PCDHA5: variants seen among roughly 807,000 people sequenced by gnomAD.
PCDHA5 encodes protocadherin alpha 5, also known as protocadherin alpha-5.
In PCDHA5, 43 loss-of-function variants were observed where a neutral mutation model predicts 61.6. That is an observed-to-expected ratio of 0.70 (90% CI 0.55 to 0.90). The LOEUF is 0.90. PCDHA5 is among the 40% of genes least tolerant of loss of function. The pLI, the probability that PCDHA5 is intolerant of heterozygous loss-of-function variation, is 0.00. For missense variants in PCDHA5, 1,298 were observed against 1,222.7 expected, an observed-to-expected ratio of 1.06 and a Z score of -0.92; for synonymous variants, 627 against 543.9, an observed-to-expected ratio of 1.15 and a Z score of -2.13.
chr5:140,992,369 A>G (rs1554252849), intron 3 of PCDHA5, among the ~76,000 whole-genome samples: 1 of 152,188 alleles, frequency 6.6e-6, no homozygotes, highest in Non-Finnish European at 1.5e-5. Context: ...AATGGTTCCC[A>G]TTACATTATT....
chr5:140,961,336 G>C (rs2095605046), intron 1 of PCDHA5, among the ~76,000 whole-genome samples: 1 of 152,178 alleles, frequency 6.6e-6, no homozygotes, highest in African/African-American at 2.4e-5. Context: ...GAGAGACCAA[G>C]AGTGGATCCC....
intron 1 of PCDHA5, chr5:140,835,562 T>C (rs1470356959): frequency 6.8e-6 from 11 of 1,613,922 alleles, no homozygotes; most frequent in Non-Finnish European, 8.5e-6. Flanking sequence ...CGCCCCGCGT[T>C]CCCTTCAAGT....
chr5:140,916,188 G>A (rs1288181230), intron 1 of PCDHA5, among the ~76,000 whole-genome samples: 2 of 152,208 alleles, frequency 1.3e-5, no homozygotes, highest in East Asian at 3.9e-4. Context: ...TCAAGGAAGT[G>A]GGCACCCCTC....
At chr5:140,931,791 T>A (rs1168945699) in intron 1 of PCDHA5, among the ~76,000 whole-genome samples, 1 of 152,016 alleles carries the variant, frequency 6.6e-6, no homozygotes, top group African/African-American at 2.4e-5. Context: ...CCTATTGATC[T>A]GATCTTAATT....
chr5:140,850,116 G>A, intron 1 of PCDHA5: 1 of 1,596,102 alleles, frequency 6.3e-7, no homozygotes, highest in Non-Finnish European at 8.6e-7. Context: ...GCGCGACGCG[G>A]GCGTGCCGCC....
rs550730996 is a variant in PCDHA5, at chr5:140,982,280, G to T, written c.2412-195G>T. The T allele has an allele frequency of 2.1e-5, 21 of 1,007,278 alleles. No homozygotes were observed. The Admixed American group carries it at 5.3e-4, about 25-fold the overall frequency. 62.4% of individuals were successfully genotyped at this position (1,007,278 alleles called of 1,614,324 possible). A position where few individuals can be genotyped will look rare whatever the true frequency, so the allele number is the denominator to read the frequency against. ...GTGTGTTCCTGGAATAGTATAGCAGGCAATAAGTAAGTCAGCAATGCTTCT... is the reference window on the plus strand; with the variant it reads ...GTGTGTTCCTGGAATAGTATAGCAGTCAATAAGTAAGTCAGCAATGCTTCT... On this transcript the variant is annotated intron_variant, in intron 2 of 3. Transcript: ENST00000529859.
At chr5:140,898,450 C>G (rs1276825221) in intron 1 of PCDHA5, among the ~76,000 whole-genome samples, 4 of 152,148 alleles carry the variant, frequency 2.6e-5, no homozygotes, top group Non-Finnish European at 4.4e-5. Flanking sequence ...ATAGGGAATC[C>G]TTTCCCCATT....
At chr5:140,848,891 G>A in intron 1 of PCDHA5, 1 of 1,600,726 alleles carries the variant, frequency 6.2e-7, no homozygotes, top group South Asian at 1.1e-5. Flanking sequence ...ACCCTCCAGT[G>A]TTCCCAGCGA....
At chr5:140,836,074 C>G in intron 1 of PCDHA5, 2 of 1,613,694 alleles carry the variant, frequency 1.2e-6, no homozygotes, top group Non-Finnish European at 1.7e-6. Flanking sequence ...AACGCGCCGG[C>G]ACTGCTGGCG....
chr5:140,856,356 T>A lies in PCDHA5; in HGVS notation c.2352+32229T>A, dbSNP rs782497272. ...TGCGGGCGGAGCGTGGAGTGCAGCA[T>A]CCACCTGGAGGTGATCGTGGACAGG... On this transcript the variant is annotated intron_variant, in intron 1 of 3. Coordinates refer to ENST00000529859, the MANE Select transcript of PCDHA5 (RefSeq NM_018908.3). 3 of 1,598,530 alleles carry A rather than the reference T, an allele frequency of 1.9e-6. 1 individual carries two copies. Among genetic ancestry groups the A allele is most frequent in the South Asian group, 2.2e-5 (2 of 90,522 alleles).
In PCDHA5 at chr5:140,835,717, T is replaced by C. The variant is rs1773872619; in HGVS notation, c.2352+11590T>C. The C allele has an allele frequency of 1.9e-6, 3 of 1,613,628 alleles. No individual in the cohort carries two copies. Among genetic ancestry groups the C allele is most frequent in the African/African-American group, 2.7e-5 (2 of 74,884 alleles). On this transcript the variant is annotated intron_variant, in intron 1 of 3. Coordinates refer to ENST00000529859, the MANE Select transcript of PCDHA5 (RefSeq NM_018908.3). ...GCCACTGCTAGCGTGTCCGTGGAGG[T>C]GGCCGACGTGAACGACAACGCCCCG...
intron 1 of PCDHA5, chr5:140,968,932 A>C: frequency 6.2e-7 from 1 of 1,614,164 alleles, no homozygotes; most frequent in Non-Finnish European, 8.5e-7. Context: ...TTCTTTTGAC[A>C]ATCATCATTT....
intron 1 of PCDHA5, among the ~76,000 whole-genome samples, chr5:140,973,232 G>A (rs1307717074): frequency 6.6e-6 from 1 of 152,196 alleles, no homozygotes; most frequent in Non-Finnish European, 1.5e-5. Context: ...ATAGTGACCT[G>A]AAAGAGTTAA....
chr5:140,841,831 C>G (rs2150323800), intron 1 of PCDHA5: 1 of 1,613,930 alleles, frequency 6.2e-7, no homozygotes, highest in East Asian at 2.2e-5. Context: ...TGTTAACCTA[C>G]AGGCTTAGCT....
intron 1 of PCDHA5, chr5:140,848,937 C>G: frequency 1.2e-6 from 2 of 1,607,518 alleles, no homozygotes; most frequent in Non-Finnish European, 1.7e-6. Context: ...ATCCAGGCCG[C>G]TTGACTCTCG....
At chr5:140,883,402 C>G (rs2153393597) in intron 1 of PCDHA5, 1 of 1,614,192 alleles carries the variant, frequency 6.2e-7, no homozygotes, top group Middle Eastern at 1.6e-4. Context: ...CCGATCGTGA[C>G]TCTGGCTCAA....
chr5:140,843,522 C>A lies in PCDHA5; in HGVS notation c.2352+19395C>A, dbSNP rs1554140167. 1.9e-6 allele frequency: 3 copies of A among 1,595,678 alleles called. No individual in the cohort carries two copies. In the South Asian group the frequency reaches 3.3e-5, roughly 18 times the overall value. On this transcript the variant is annotated intron_variant, in intron 1 of 3. Transcript: ENST00000529859. ...CTGCCCACTGAGGGCGGGTGCCGGGCGGGCAAGCCCACTCTGGTGTGCTCC... is the reference window on the plus strand; with the variant it reads ...CTGCCCACTGAGGGCGGGTGCCGGGAGGGCAAGCCCACTCTGGTGTGCTCC...
intron 3 of PCDHA5, among the ~76,000 whole-genome samples, chr5:140,998,912 C>T (rs1256504660): frequency 6.6e-6 from 1 of 152,182 alleles, no homozygotes; most frequent in Admixed American, 6.6e-5. Context: ...CGGGAGGTAG[C>T]TATTATATCC....
chr5:140,835,981 T>C, intron 1 of PCDHA5: 2 of 1,613,332 alleles, frequency 1.2e-6, no homozygotes, highest in Non-Finnish European at 8.5e-7. Context: ...CTGTTGCAGT[T>C]CCAGGTGAGC....
Sources: allele counts gnomAD v4.1 joint callset (sites outside exome capture counted in the v4.1 genomes callset), GRCh38; gene constraint gnomAD v4.1.1; transcripts MANE v1.5; gene names NCBI Gene and HGNC (gene_info 2026-07-23, HGNC 2026-07-21).